The following DHX9 variants were observed in gnomAD, a reference collection of about 807,000 sequenced individuals.
DHX9 encodes the protein DExH-box helicase 9.
In DHX9, 27 loss-of-function variants were observed where a neutral mutation model predicts 148.7. The ratio of observed to expected loss-of-function variants is 0.18; its 90% CI spans 0.13 to 0.25. The LOEUF (loss-of-function observed/expected upper bound fraction) is 0.25. DHX9 is among the 10% of genes least tolerant of loss of function. The pLI, the probability that DHX9 is intolerant of heterozygous loss-of-function variation, is 1.00. For missense variants in DHX9, 796 were observed against 1,559.6 expected (o/e 0.51, Z 8.25); for synonymous variants, 529 against 516.6 (o/e 1.02, Z -0.33).
At chr1:182,875,231 C>T (rs1488164840) in intron 16 of DHX9, 1 of 481,328 alleles carries the variant, frequency 2.1e-6, no homozygotes, top group Non-Finnish European at 4.1e-6. Context: ...TGGTTAGGGA[C>T]AATGCTGTTG....
At chr1:182,842,515 G>A in intron 1 of DHX9, 30 bp from the exon 2 acceptor site, 2 of 1,352,500 alleles carry the variant, frequency 1.5e-6, no homozygotes, top group East Asian at 2.4e-5. Flanking sequence ...TATTATAAAT[G>A]CTGTTTTTAA....
chr1:182,853,112 A>G (rs1668185559), intron 4 of DHX9, among the ~76,000 whole-genome samples, 194 bp from the exon 5 acceptor site: 1 of 151,884 alleles, frequency 6.6e-6, no homozygotes, highest in Admixed American at 6.6e-5. Flanking sequence ...TTTTTAGTAG[A>G]GACGGGGTTT....
rs756619584 is a variant in DHX9, at chr1:182,878,001, A to C, written c.2199-20A>C. On this transcript the variant is annotated intron_variant, in intron 19 of 27. Transcript: ENST00000367549. ...GATAATACACATGAGTCTTAGAATT[A>C]ACCACTTTTTCCTATGTAGGCAGAA... 1.9e-6 allele frequency: 3 copies of C among 1,613,678 alleles called. No individual in the cohort carries two copies. The highest frequency in any genetic ancestry group is 1.7e-5 in the Admixed American group (1 of 59,984).
Position 182,859,099 on chromosome 1 carries a change from G to C in DHX9, c.1122G>C (p.Gln374His). ...ATGAATTGATGTACCAGTTGGAACA[G>C]GATCATGATTTGCAAGCAGTAAGTC... ...LKNELMYQLEQDHDLQAILQE... is the reference protein window; with the variant it reads ...LKNELMYQLEHDHDLQAILQE... Residue 374 changes from glutamine to histidine, a missense_variant, in exon 11 of 28, where the codon CAG becomes CAC. Gln to His is a conservative substitution (Grantham distance 24). This residue lies in a region of DHX9 where 42 missense variants were observed against 27.1 expected (regional missense o/e 1.55). Coordinates refer to ENST00000367549, the MANE Select transcript of DHX9 (RefSeq NM_001357.5). 1 of 1,614,094 alleles carries C rather than the reference G, an allele frequency of 6.2e-7. No individual in the cohort carries two copies. Among genetic ancestry groups the C allele is most frequent in the African/African-American group, 1.3e-5 (1 of 75,058 alleles).
chr1:182,874,313 T>A (rs1648671054), intron 15 of DHX9, among the ~76,000 whole-genome samples: 1 of 152,188 alleles, frequency 6.6e-6, no homozygotes, highest in Non-Finnish European at 1.5e-5. Flanking sequence ...TGATAGGATA[T>A]GCCCTTAATA....
At chr1:182,879,482 T>A in intron 21 of DHX9, 72 bp downstream of exon 21, 3 of 1,302,200 alleles carry the variant, frequency 2.3e-6, no homozygotes. Flanking sequence ...CAGATAACAC[T>A]TACAAATGAA....
chr1:182,848,487 G>C (rs1020281588), intron 3 of DHX9, among the ~76,000 whole-genome samples: 1 of 152,188 alleles, frequency 6.6e-6, no homozygotes, highest in Admixed American at 6.5e-5. Context: ...ATGTAAGTTC[G>C]TGAGGGCAGG....
chr1:182,859,234 GTA>G, intron 11 of DHX9, 117 bp downstream of exon 11: 1 of 798,710 alleles, frequency 1.3e-6, no homozygotes, highest in Non-Finnish European at 2.0e-6. Context: ...CAAAAGATAT[GTA>G]CCAAACTGCT....
At chr1:182,843,255 C>T (rs777839994) in intron 2 of DHX9, 39 bp from the exon 3 acceptor site, 1 of 1,495,266 alleles carries the variant, frequency 6.7e-7, no homozygotes, top group South Asian at 1.4e-5. Flanking sequence ...CTCAGAATTA[C>T]CCAGGTCAGT....
At chr1:182,840,024 G>C (rs76188779) in intron 1 of DHX9, 2 of 152,402 alleles carry the variant, frequency 1.3e-5, no homozygotes, top group African/African-American at 4.8e-5. Flanking sequence ...GAAGGGATTA[G>C]TTATCGCTTA....
At chr1:182,874,498 T>TA (rs1320450361) in intron 15 of DHX9, among the ~76,000 whole-genome samples, 1 of 152,218 alleles carries the variant, frequency 6.6e-6, no homozygotes, top group Non-Finnish European at 1.5e-5. Context: ...TGCATACTGA[T>TA]AGAGGAAGGA....
Position 182,861,091 on chromosome 1 carries a change from T to C in DHX9, c.1332+907T>C, listed in dbSNP as rs146470181. On this transcript the variant is annotated intron_variant, in intron 12 of 27. Coordinates refer to ENST00000367549, the MANE Select transcript of DHX9 (RefSeq NM_001357.5). ...TGTATAAAGCATATATCTGAAACTT[T>C]TTAACATTTCTGAAATTGAGATACA... 5.7e-3 allele frequency among the ~76,000 whole-genome samples: 870 copies of C among 152,370 alleles called. 7 individuals are homozygous for C. The highest frequency in any genetic ancestry group is 0.018 in the African/African-American group (757 of 41,588).
intron 23 of DHX9, 46 bp from the exon 24 acceptor site, chr1:182,881,474 A>AGTTCTCT (rs1224107106): frequency 6.2e-6 from 10 of 1,608,708 alleles, no homozygotes; most frequent in Non-Finnish European, 7.6e-6. Flanking sequence ...ATTTGTATTT[A>AGTTCTCT]GTTCTCTGGT....
intron 3 of DHX9, among the ~76,000 whole-genome samples, chr1:182,847,384 T>G (rs1668052103): frequency 6.6e-6 from 1 of 152,244 alleles, no homozygotes; most frequent in South Asian, 2.1e-4. Flanking sequence ...TTGTTTTGTT[T>G]TGTTTTTAAT....
intron 14 of DHX9, among the ~76,000 whole-genome samples, chr1:182,871,989 C>T (rs755563249): frequency 6.6e-6 from 1 of 151,998 alleles, no homozygotes; most frequent in Non-Finnish European, 1.5e-5. Flanking sequence ...TATTTTTAGT[C>T]GAGACAGGAT....
In DHX9 at chr1:182,859,044, C is replaced by T; in HGVS notation, c.1067C>T (p.Thr356Ile). The T allele has an allele frequency of 6.2e-7, 1 of 1,613,976 alleles. No homozygotes were observed. The highest frequency in any genetic ancestry group is 8.5e-7 in the Non-Finnish European group (1 of 1,179,982). Residue 356 changes from threonine to isoleucine, a missense_variant, in exon 11 of 28, where the codon ACT (threonine) becomes ATT (isoleucine). By Grantham distance (89) the Thr-to-Ile change is moderately conservative (BLOSUM62 -1). This residue lies in a region of DHX9 where 11 missense variants were observed against 42.5 expected (regional missense o/e 0.26). Coordinates refer to ENST00000367549, the MANE Select transcript of DHX9 (RefSeq NM_001357.5). ...TGTTGGCTTTTTGTTTTACAGGCTA[C>T]TCCAGAGCAAATAAGCATGGACCTC... ...NIDEGPLAFA[T>I]PEQISMDLKN...
chr1:182,874,463 G>C (rs1356586365), intron 15 of DHX9, among the ~76,000 whole-genome samples: 1 of 152,190 alleles, frequency 6.6e-6, no homozygotes, highest in African/African-American at 2.4e-5. Flanking sequence ...TCCTTCTTCA[G>C]ATTGACCAGA....
intron 12 of DHX9, among the ~76,000 whole-genome samples, chr1:182,863,220 TAAA>T (rs1336129542): frequency 6.6e-6 from 1 of 152,176 alleles, no homozygotes; most frequent in African/African-American, 2.4e-5. Context: ...GTTAAAATAA[TAAA>T]AAGTAAAATA....
chr1:182,857,326 A>T (rs774973685), intron 7 of DHX9, among the ~76,000 whole-genome samples: 41 of 152,212 alleles, frequency 2.7e-4, no homozygotes, highest in Non-Finnish European at 5.1e-4. Flanking sequence ...ATCTCTCCTA[A>T]GGATGAATGA....
Sources: allele counts gnomAD v4.1 joint callset (sites outside exome capture counted in the v4.1 genomes callset), GRCh38; gene constraint gnomAD v4.1.1; regional missense constraint gnomAD v4.1.1; transcripts MANE v1.5; gene names NCBI Gene and HGNC (gene_info 2026-07-23, HGNC 2026-07-21).